DGKB: variants seen among roughly 807,000 people sequenced by gnomAD.
The protein encoded by DGKB is diacylglycerol kinase beta.
In DGKB, 67 loss-of-function variants were observed where a neutral mutation model predicts 114.3. That is an observed-to-expected ratio of 0.59 (90% CI 0.48 to 0.72). The LOEUF (loss-of-function observed/expected upper bound fraction) is 0.72. DGKB is among the 30% of genes least tolerant of loss of function. The pLI is 0.00. For synonymous variants in DGKB, 398 were observed against 323.1 expected (o/e 1.23, Z -2.49); for missense variants, 907 against 975.2 (o/e 0.93, Z 0.93).
chr7:14,959,734 G>A (rs1248623399), intron 1 of DGKB, among the ~76,000 whole-genome samples: 1 of 149,798 alleles, frequency 6.7e-6, no homozygotes, highest in Non-Finnish European at 1.5e-5. Context: ...TGAGTGAAAA[G>A]CTCTATAACA....
intron 2 of DGKB, among the ~76,000 whole-genome samples, chr7:14,799,939 C>G (rs1163042454): frequency 6.6e-6 from 1 of 150,972 alleles, no homozygotes; most frequent in East Asian, 1.9e-4. Context: ...TTTTTTTTGA[C>G]AGAGTCTCAC....
intron 20 of DGKB, among the ~76,000 whole-genome samples, chr7:14,536,665 G>A (rs1792551414): frequency 6.6e-6 from 1 of 152,090 alleles, no homozygotes; most frequent in Admixed American, 6.6e-5. Context: ...AGATATAGAA[G>A]GAAGCTGTCT....
chr7:14,463,139 A>C (rs558320448), intron 21 of DGKB, among the ~76,000 whole-genome samples: 1 of 152,208 alleles, frequency 6.6e-6, no homozygotes, highest in Non-Finnish European at 1.5e-5. Flanking sequence ...AACTAATACA[A>C]GAACAGAAAA....
chr7:14,474,082 T>A (rs539829908), intron 21 of DGKB, among the ~76,000 whole-genome samples: 2 of 152,066 alleles, frequency 1.3e-5, no homozygotes, highest in South Asian at 2.1e-4. Context: ...GACATGAGAT[T>A]TGGGAGGGGC....
chr7:14,498,414 T>C (rs772120297), intron 20 of DGKB, among the ~76,000 whole-genome samples: 33 of 151,746 alleles, frequency 2.2e-4, no homozygotes, highest in Non-Finnish European at 1.0e-4. Context: ...ATGGAATAGG[T>C]AAAAAGTCAT....
At chr7:14,404,363 C>T (rs1823606716) in intron 21 of DGKB, among the ~76,000 whole-genome samples, 1 of 151,652 alleles carries the variant, frequency 6.6e-6, no homozygotes, top group Admixed American at 6.6e-5. Flanking sequence ...TATGCTGTTA[C>T]ATACACACCT....
Position 14,747,734 on chromosome 7 carries a change from A to G in DGKB, c.168+6194T>C, listed in dbSNP as rs562828867. Among the ~76,000 whole-genome samples the G allele has an allele frequency of 2.8e-5, 4 of 144,336 alleles. No homozygotes were observed. The East Asian group carries it at 8.6e-4, about 31-fold the overall frequency. 94.7% of individuals were successfully genotyped at this position (144,336 alleles called of 152,430 possible). On this transcript the variant is annotated intron_variant, in intron 4 of 25. Transcript: ENST00000402815. ...TTGGGTCAGACTTAACTGAATGACT[A>G]TTCAAAAATTGAATTGCTGTGGGCT... is the stretch of plus-strand genomic sequence containing the variant.
chr7:14,967,862 A>G (rs540784316), intron 1 of DGKB, among the ~76,000 whole-genome samples: 80 of 152,252 alleles, frequency 5.3e-4, no homozygotes, highest in South Asian at 3.7e-3. Context: ...AGATAAAATA[A>G]TTAGAGCAAA....
chr7:14,199,687 A>G (rs1042159316), intron 23 of DGKB, among the ~76,000 whole-genome samples: 2 of 152,104 alleles, frequency 1.3e-5, no homozygotes, highest in East Asian at 3.9e-4. Context: ...AAGCTTCACT[A>G]TAACTGGGCA....
chr7:14,405,067 G>A (rs925558651), intron 21 of DGKB, among the ~76,000 whole-genome samples: 9 of 149,992 alleles, frequency 6.0e-5, no homozygotes, highest in African/African-American at 2.0e-4. Context: ...ACCATTTAGA[G>A]CTCATATTTA....
In DGKB at chr7:14,390,744, T is replaced by C. The variant is rs369944154; in HGVS notation, c.1836-45353A>G. Reference sequence around the variant, plus strand: ...TTATTAAGTCTTGGCATGTATTTCATTTAGAGATTGTTTTCATAATTTTTT... The same window carrying C: ...TTATTAAGTCTTGGCATGTATTTCACTTAGAGATTGTTTTCATAATTTTTT... On this transcript the variant is annotated intron_variant, in intron 21 of 25. Coordinates refer to ENST00000402815, the MANE Select transcript of DGKB (RefSeq NM_001350709.2). 1.1e-3 allele frequency among the ~76,000 whole-genome samples: 173 copies of C among 152,266 alleles called. 5 individuals carry two copies. In the South Asian group the frequency reaches 0.016, roughly 14 times the overall value.
At chr7:14,409,994 G>A (rs906294424) in intron 21 of DGKB, among the ~76,000 whole-genome samples, 2 of 152,038 alleles carry the variant, frequency 1.3e-5, no homozygotes, top group African/African-American at 2.4e-5. Context: ...TTAACAACAG[G>A]CTATTAACAG....
At chr7:14,716,961 T>C (rs565027731) in intron 6 of DGKB, among the ~76,000 whole-genome samples, 1 of 151,210 alleles carries the variant, frequency 6.6e-6, no homozygotes. Context: ...GAAAAGGCAA[T>C]GCATCTAGTG....
At chr7:14,461,393 TAGAC>T (rs759571154) in intron 21 of DGKB, among the ~76,000 whole-genome samples, 10 of 148,900 alleles carry the variant, frequency 6.7e-5, no homozygotes, top group African/African-American at 1.7e-4. Flanking sequence ...AAGAATCAAA[TAGAC>T]AGAGTAAAAA....
intron 20 of DGKB, among the ~76,000 whole-genome samples, chr7:14,507,859 C>A (rs1787340935): frequency 6.6e-6 from 1 of 152,156 alleles, no homozygotes; most frequent in African/African-American, 2.4e-5. Context: ...GCAAAATTCC[C>A]AGAAATGCAG....
chr7:14,319,394 C>T (rs2128528459), intron 23 of DGKB, among the ~76,000 whole-genome samples: 1 of 152,106 alleles, frequency 6.6e-6, no homozygotes, highest in East Asian at 1.9e-4. Flanking sequence ...CAATACAGTG[C>T]CACTCTTCTT....
intron 23 of DGKB, among the ~76,000 whole-genome samples, chr7:14,270,861 C>G (rs749774197): frequency 1.3e-5 from 2 of 152,094 alleles, no homozygotes; most frequent in South Asian, 4.1e-4. Context: ...GTTAGGTATT[C>G]AAGCAAACAA....
At chr7:14,678,666 G>T (rs1228020714) in intron 12 of DGKB, among the ~76,000 whole-genome samples, 2 of 152,032 alleles carry the variant, frequency 1.3e-5, no homozygotes, top group Non-Finnish European at 2.9e-5. Flanking sequence ...GATTGCTAAA[G>T]AAGGCATATA....
At chr7:14,620,754 T>C (rs1387626361) in intron 15 of DGKB, among the ~76,000 whole-genome samples, 1 of 151,786 alleles carries the variant, frequency 6.6e-6, no homozygotes, top group African/African-American at 2.4e-5. Context: ...TGTCTTAAAA[T>C]GCTATTCTTG....
Sources: gnomAD v4.1 joint callset for allele counts (sites outside exome capture counted in the v4.1 genomes callset) on GRCh38, gnomAD v4.1.1 for gene constraint, MANE v1.5 for transcripts, NCBI Gene and HGNC (gene_info 2026-07-23, HGNC 2026-07-21) for gene names.